The following IQSEC2 variants were observed in gnomAD, a reference collection of about 807,000 sequenced individuals.
IQSEC2 encodes IQ motif and SEC7 domain-containing protein 2.
In IQSEC2, 6 loss-of-function variants were observed where a neutral mutation model predicts 74.6. That is an observed-to-expected ratio of 0.08 (90% CI 0.04 to 0.16). IQSEC2 has a LOEUF of 0.16. Ranked by LOEUF, IQSEC2 falls within the 10% of genes least tolerant of loss-of-function variation. The probability of loss-of-function intolerance (pLI) is 1.00; values close to 1 mark genes in which losing one functional copy is unlikely to be tolerated. For missense variants in IQSEC2, 734 were observed against 1,306.2 expected, an observed-to-expected ratio of 0.56 and a Z score of 6.75; for synonymous variants, 494 against 544.5, an observed-to-expected ratio of 0.91 and a Z score of 1.29.
chrX:53,280,696 C>T (rs782283337), intron 2 of IQSEC2, among the ~76,000 whole-genome samples: 18 of 111,515 alleles, frequency 1.6e-4, no homozygotes, highest in Non-Finnish European at 3.0e-4. Context: ...GACCCCTCCA[C>T]CTCCTGCCTC....
chrX:53,275,728 C>CTTTTTTTTTTT (rs1219701474), intron 2 of IQSEC2, among the ~76,000 whole-genome samples: 2 of 81,703 alleles, frequency 2.4e-5, no homozygotes, highest in Non-Finnish European at 2.3e-5. Flanking sequence ...TGCCCTCATT[C>CTTTTTTTTTTT]TTTTTTTTTT....
chrX:53,252,343 G>A (rs1157709964), intron 4 of IQSEC2, among the ~76,000 whole-genome samples: 3 of 102,973 alleles, frequency 2.9e-5, no homozygotes, highest in Non-Finnish European at 5.9e-5. Flanking sequence ...TTACAGGCAT[G>A]AGCTACCACA....
rs2147126262 is a variant in IQSEC2, at chrX:53,255,693, C to G, written c.999+107G>C. The G allele has an allele frequency of 1.6e-5, 15 of 964,258 alleles. No homozygotes were observed. In the South Asian group the frequency reaches 3.0e-4, roughly 19 times the overall value. The allele number at this position is 964,258 out of a possible 1,213,427, so 79.5% of individuals were successfully genotyped here. On this transcript the variant is annotated intron_variant, in intron 3 of 14. Coordinates refer to ENST00000642864, the MANE Select transcript of IQSEC2 (RefSeq NM_001111125.3). ...CTGGGCCAGTCTTCTCCAATTCCAG[C>G]CTCATTATCCCTCCCTGATACCACC...
intron 1 of IQSEC2, among the ~76,000 whole-genome samples, chrX:53,312,577 G>T (rs782459844): frequency 6.2e-5 from 7 of 112,236 alleles, no homozygotes; most frequent in Non-Finnish European, 1.3e-4. Context: ...GCTTTACAGA[G>T]TTATTATTAA....
At position 53,247,093 on chromosome X, in the gene IQSEC2, G is replaced by A. The variant is rs782666654; in HGVS notation, c.2625C>T (p.Phe875=). The A allele has an allele frequency of 8.3e-7, 1 of 1,211,323 alleles. No individual in the cohort carries two copies. The highest frequency in any genetic ancestry group is 1.1e-6 in the Non-Finnish European group (1 of 895,305). ...CVCNPALVRQ[F]RNPDTIFILA... ...GGATGAAGATGGTGTCTGGGTTCCGGAACTGGCGCACGAGGGCTGGGTTAC... is the reference window on the plus strand; with the variant it reads ...GGATGAAGATGGTGTCTGGGTTCCGAAACTGGCGCACGAGGGCTGGGTTAC... The change falls in exon 8 of 15, where the codon TTC becomes TTT. Residue 875 remains phenylalanine, a synonymous_variant. Coordinates refer to ENST00000642864, the MANE Select transcript of IQSEC2 (RefSeq NM_001111125.3).
chrX:53,281,650 C>T (rs782751898), intron 2 of IQSEC2: 54 of 806,727 alleles, frequency 6.7e-5, no homozygotes, highest in Non-Finnish European at 9.0e-5. Context: ...AGCTGGGCTG[C>T]GGGCCAGATT....
At chrX:53,312,107 A>G (rs1352607201) in intron 1 of IQSEC2, among the ~76,000 whole-genome samples, 1 of 110,571 alleles carries the variant, frequency 9.0e-6, no homozygotes, top group Non-Finnish European at 1.9e-5. Flanking sequence ...CCCCATACAC[A>G]TATCCTGCTG....
chrX:53,269,589 C>T (rs2074708956), intron 2 of IQSEC2, among the ~76,000 whole-genome samples: 1 of 110,455 alleles, frequency 9.1e-6, no homozygotes, highest in African/African-American at 3.3e-5. Context: ...CCCCACATCC[C>T]CCTCTGTCCC....
At chrX:53,232,005 C>T (rs2074066815), downstream of IQSEC2, 1 of 112,213 alleles carries the variant, frequency 8.9e-6, no homozygotes, top group Non-Finnish European at 1.9e-5. Context: ...AATGCTGCTT[C>T]TGGGGACCCT....
intron 2 of IQSEC2, chrX:53,279,241 A>G: frequency 4.0e-6 from 1 of 249,431 alleles, no homozygotes; most frequent in Non-Finnish European, 7.2e-6. Flanking sequence ...CCTCTGCCTA[A>G]CTGCCCTTCC....
Position 53,304,781 on chromosome X carries a change from T to A in IQSEC2, c.708-12857A>T, listed in dbSNP as rs979350635. 7.2e-5 allele frequency among the ~76,000 whole-genome samples: 8 copies of A among 111,665 alleles called. No individual in the cohort carries two copies. The East Asian group carries it at 2.0e-3, about 27-fold the overall frequency. The stretch of plus-strand genomic sequence containing the variant: ...CTGCCTCCTTAGAGAATACCTTCCC[T>A]AACCTCATGCTCCTTTCAATCATAA... On this transcript the variant is annotated intron_variant, in intron 1 of 14. Transcript: ENST00000642864.
rs781921190 is a variant in IQSEC2 at position 53,234,822 on chromosome X, G to C, written c.3864C>G (p.Pro1288=). The change falls in exon 15 of 15, where the codon CCC becomes CCG. Residue 1288 remains proline (P), a synonymous_variant. Coordinates refer to ENST00000642864, the MANE Select transcript of IQSEC2 (RefSeq NM_001111125.3). ...GCTGCTGGGGAGGTGGGGGAAGAGA[G>C]GGCTGCTGGGGTGGGAGGTAGGGTG... ...APPPYLPPQQ[P]SLPPPPQQPP... is the part of the protein sequence containing the mutation. 5.9e-5 allele frequency: 66 copies of C among 1,119,507 alleles called. No individual in the cohort carries two copies. The South Asian group carries it at 1.4e-3, about 23-fold the overall frequency. The allele number at this position is 1,119,507 out of a possible 1,213,427, so 92.3% of individuals were successfully genotyped here.
At chrX:53,247,225 C>G in intron 7 of IQSEC2, 90 bp from the exon 8 acceptor site, 1 of 895,335 alleles carries the variant, frequency 1.1e-6, no homozygotes, top group Non-Finnish European at 1.6e-6. Context: ...GCAACCCTTT[C>G]CTGCAAGAAA....
chrX:53,294,080 T>G (rs2075127739), intron 1 of IQSEC2, among the ~76,000 whole-genome samples: 1 of 111,693 alleles, frequency 9.0e-6, no homozygotes, highest in African/African-American at 3.3e-5. Flanking sequence ...GTGAGTTCCC[T>G]TATCTTCATT....
intron 2 of IQSEC2, among the ~76,000 whole-genome samples, chrX:53,260,052 C>T (rs1449312252): frequency 9.0e-6 from 1 of 111,411 alleles, no homozygotes; most frequent in Admixed American, 9.5e-5. Context: ...ATGGGGGGCA[C>T]AAGGTTGGAG....
At chrX:53,281,511 G>C in intron 2 of IQSEC2, 1 of 1,150,614 alleles carries the variant, frequency 8.7e-7, no homozygotes, top group Non-Finnish European at 1.2e-6. Flanking sequence ...GCTCCTCCCG[G>C]GGGGCTCCAT....
chrX:53,276,304 A>AT (rs1268003545), intron 2 of IQSEC2, among the ~76,000 whole-genome samples: 2 of 111,620 alleles, frequency 1.8e-5, no homozygotes, highest in African/African-American at 6.5e-5. Context: ...TTATAGAATT[A>AT]TTTTTTCTAT....
chrX:53,262,474 G>T lies in IQSEC2; in HGVS notation c.738-6413C>A, dbSNP rs2074582664. 8.0e-5 allele frequency among the ~76,000 whole-genome samples: 9 copies of T among 112,128 alleles called. No individual in the cohort carries two copies. In the South Asian group the frequency reaches 3.3e-3, roughly 42 times the overall value. On this transcript the variant is annotated intron_variant, in intron 2 of 14. Coordinates refer to ENST00000642864, the MANE Select transcript of IQSEC2 (RefSeq NM_001111125.3). ...CCCCATGACAACTTAGGTGGCAGTG[G>T]GGGGAACGGGACGGACTGGAAGTAG...
intron 2 of IQSEC2, among the ~76,000 whole-genome samples, chrX:53,260,373 A>T (rs924150594): frequency 2.7e-5 from 3 of 111,593 alleles, no homozygotes; most frequent in Non-Finnish European, 5.6e-5. Flanking sequence ...AGGAGATAGG[A>T]GGTAAGATCA....
Sources: gnomAD v4.1 joint callset for allele counts (sites outside exome capture counted in the v4.1 genomes callset) on GRCh38, gnomAD v4.1.1 for gene constraint, MANE v1.5 for transcripts, NCBI Gene and HGNC (gene_info 2026-07-23, HGNC 2026-07-21) for gene names.